The following AGBL4 variants were observed in gnomAD, a reference collection of about 807,000 sequenced individuals.
AGBL4 encodes cytosolic carboxypeptidase 6.
In AGBL4, 58 loss-of-function variants were observed where a neutral mutation model predicts 66.4. That is an observed-to-expected ratio of 0.87 (90% CI 0.71 to 1.09). The LOEUF (loss-of-function observed/expected upper bound fraction) is 1.09. Ranked by LOEUF, AGBL4 falls within the 50% of genes least tolerant of loss-of-function variation. The pLI is 0.00. For missense variants in AGBL4, 579 were observed against 631.0 expected, an observed-to-expected ratio of 0.92 and a Z score of 0.88; for synonymous variants, 234 against 222.9, an observed-to-expected ratio of 1.05 and a Z score of -0.44.
chr1:49,112,077 C>T (rs1385238255), intron 4 of AGBL4, among the ~76,000 whole-genome samples: 1 of 152,154 alleles, frequency 6.6e-6, no homozygotes, highest in African/African-American at 2.4e-5. Context: ...TGTCTGTGTT[C>T]TACTTAGTTA....
chr1:49,231,320 G>A (rs1319902405), intron 4 of AGBL4, among the ~76,000 whole-genome samples: 1 of 152,190 alleles, frequency 6.6e-6, no homozygotes, highest in Admixed American at 6.5e-5. Flanking sequence ...GAAGGAGTTT[G>A]TCTTCTTCAA....
chr1:49,008,123 A>T (rs1200139939), intron 5 of AGBL4, among the ~76,000 whole-genome samples: 3 of 152,102 alleles, frequency 2.0e-5, no homozygotes, highest in Non-Finnish European at 4.4e-5. Flanking sequence ...TGCTGTATTC[A>T]GGAAACCCAT....
At chr1:49,329,272 A>G (rs1645283301) in intron 3 of AGBL4, among the ~76,000 whole-genome samples, 1 of 152,142 alleles carries the variant, frequency 6.6e-6, no homozygotes, top group Non-Finnish European at 1.5e-5. Context: ...GCACCATTGC[A>G]ATCCAGCCTG....
In AGBL4 at chr1:48,963,643, A is replaced by G. The variant is rs561706997; in HGVS notation, c.594+81941T>C. Among the ~76,000 whole-genome samples, 10 of 152,156 alleles carry G rather than the reference A, an allele frequency of 6.6e-5. No homozygotes were observed. The South Asian group carries it at 2.1e-3, about 32-fold the overall frequency. On this transcript the variant is annotated intron_variant, in intron 5 of 13. Transcript: ENST00000371839. ...GTATGAAAGATGGAATCCTTACCAG[A>G]GCTTTTCAGAAAAGGGGAAATAAAT...
chr1:48,782,552 T>C (rs530891974), intron 6 of AGBL4, among the ~76,000 whole-genome samples: 3 of 152,348 alleles, frequency 2.0e-5, no homozygotes, highest in African/African-American at 7.2e-5. Context: ...TTTTGCCTTT[T>C]TTCCCTGTGA....
chr1:49,330,672 C>T (rs756157148), intron 3 of AGBL4, among the ~76,000 whole-genome samples: 14 of 152,030 alleles, frequency 9.2e-5, no homozygotes, highest in Non-Finnish European at 1.9e-4. Context: ...CTTGCCTTTT[C>T]CTTTTAGAAC....
At chr1:49,615,602 G>A (rs1645235761) in intron 3 of AGBL4, among the ~76,000 whole-genome samples, 1 of 151,992 alleles carries the variant, frequency 6.6e-6, no homozygotes, top group South Asian at 2.1e-4. Context: ...GATTTATGTT[G>A]AATTTCATAA....
chr1:49,567,048 G>T (rs909710570), intron 3 of AGBL4, among the ~76,000 whole-genome samples: 2 of 152,194 alleles, frequency 1.3e-5, no homozygotes, highest in African/African-American at 4.8e-5. Flanking sequence ...TTTGATCTCA[G>T]ACTGCCGTGC....
At chr1:49,435,859 C>T (rs1645891696) in intron 3 of AGBL4, among the ~76,000 whole-genome samples, 1 of 152,178 alleles carries the variant, frequency 6.6e-6, no homozygotes, top group Non-Finnish European at 1.5e-5. Flanking sequence ...ATTCACCACA[C>T]ATCTAGTAAG....
chr1:49,659,392 T>C (rs572502522), intron 3 of AGBL4, among the ~76,000 whole-genome samples: 2 of 152,156 alleles, frequency 1.3e-5, no homozygotes, highest in Non-Finnish European at 2.9e-5. Context: ...TCAAGACCTA[T>C]TGGTGTGCTG....
intron 1 of AGBL4, among the ~76,000 whole-genome samples, chr1:49,935,230 G>C (rs1292887898): frequency 6.6e-6 from 1 of 152,224 alleles, no homozygotes; most frequent in Non-Finnish European, 1.5e-5. Context: ...CTCGCTGATT[G>C]CTAGCACAGC....
At chr1:49,296,036 G>A (rs890704992) in intron 3 of AGBL4, among the ~76,000 whole-genome samples, 3 of 152,076 alleles carry the variant, frequency 2.0e-5, no homozygotes, top group African/African-American at 7.2e-5. Flanking sequence ...GAGTAATTGC[G>A]TATTATTGAG....
Position 48,605,706 on chromosome 1 carries a change from C to A in AGBL4, c.952-14721G>T, listed in dbSNP as rs529334813. On this transcript the variant is annotated intron_variant, in intron 9 of 13. Transcript: ENST00000371839. ...GCACATAGTAGGTGCTAAGGAAATC[C>A]TTATTGAATGAATAGATGGATGAAC... Among the ~76,000 whole-genome samples the A allele has an allele frequency of 2.0e-5, 3 of 152,274 alleles. No homozygotes were observed. In the South Asian group the frequency reaches 6.2e-4, roughly 32 times the overall value.
intron 3 of AGBL4, among the ~76,000 whole-genome samples, chr1:49,530,278 A>AAAAAAAAAAAAAAAAAAC (rs1186915086): frequency 4.8e-5 from 7 of 145,190 alleles, no homozygotes; most frequent in South Asian, 2.2e-4. Context: ...AAAAACAAAA[A>AAAAAAAAAAAAAAAAAAC]AAAACTCTAT....
intron 9 of AGBL4, among the ~76,000 whole-genome samples, chr1:48,604,065 G>A (rs1251661790): frequency 6.6e-5 from 10 of 152,110 alleles, no homozygotes; most frequent in African/African-American, 9.7e-5. Flanking sequence ...CCCAGGAGAC[G>A]GAGGTTGCAG....
At chr1:49,123,439 CTAAAATT>C (rs1645701362) in intron 4 of AGBL4, among the ~76,000 whole-genome samples, 1 of 152,114 alleles carries the variant, frequency 6.6e-6, no homozygotes, top group African/African-American at 2.4e-5. Context: ...AGAAAATAGC[CTAAAATT>C]ATATATTTCA....
At chr1:49,891,073 CCT>C (rs1648597550) in intron 1 of AGBL4, among the ~76,000 whole-genome samples, 2 of 151,952 alleles carry the variant, frequency 1.3e-5, no homozygotes, top group Non-Finnish European at 2.9e-5. Context: ...TTATTTGACC[CCT>C]GAGTTAAGGG....
intron 3 of AGBL4, among the ~76,000 whole-genome samples, chr1:49,372,647 CTTTCTTTCTTT>C (rs1644382331): frequency 1.5e-5 from 2 of 131,918 alleles, no homozygotes; most frequent in Admixed American, 1.5e-4. Context: ...TTCTTTCTTT[CTTTCTTTCTTT>C]CTTTCTTTCT....
chr1:48,942,935 A>T (rs1242718126), intron 5 of AGBL4, among the ~76,000 whole-genome samples: 1 of 152,220 alleles, frequency 6.6e-6, no homozygotes, highest in African/African-American at 2.4e-5. Flanking sequence ...GGTATTGGCT[A>T]TAAGTATTCC....
Sources: gnomAD v4.1 joint callset for allele counts (sites outside exome capture counted in the v4.1 genomes callset) on GRCh38, gnomAD v4.1.1 for gene constraint, MANE v1.5 for transcripts, NCBI Gene and HGNC (gene_info 2026-07-23, HGNC 2026-07-21) for gene names.